Variants in MICOS10 observed in about 807,000 individuals in gnomAD.
MICOS10 encodes the protein mitochondrial contact site and cristae organizing system subunit 10, also known as MICOS complex subunit MIC10.
A neutral mutation model predicts 13.4 loss-of-function variants in MICOS10; 5 were observed. That is an observed-to-expected ratio of 0.37 (90% CI 0.20 to 0.78). The LOEUF is 0.78. Among genes scored for constraint, MICOS10 ranks in the 30% least tolerant of loss-of-function variants. The pLI, the probability that MICOS10 is intolerant of heterozygous loss-of-function variation, is 0.47. For missense variants in MICOS10, 101 were observed against 94.6 expected, an observed-to-expected ratio of 1.07 and a Z score of -0.28; for synonymous variants, 35 against 33.6, an observed-to-expected ratio of 1.04 and a Z score of -0.15.
At chr1:19,601,095 G>A (rs571349999) in intron 1 of MICOS10, 77 of 1,035,722 alleles carry the variant, frequency 7.4e-5, no homozygotes, top group Non-Finnish European at 9.5e-5. Flanking sequence ...TAGCATAGGT[G>A]TTGTATAGCT....
Position 19,601,264 on chromosome 1 carries a change from GC to G in MICOS10, c.64+4160del, listed in dbSNP as rs2094813732. Reference sequence around the variant, plus strand: ...GAGGCATTTATTTATAAATACCCTTGCCCCCATTACTATCTTAAGAAAAGCA... The same window carrying G: ...GAGGCATTTATTTATAAATACCCTTGCCCCATTACTATCTTAAGAAAAGCA... On this transcript the variant is annotated intron_variant, in intron 1 of 3. Transcript: ENST00000322753. 24 of 328,930 alleles carry G rather than the reference GC, an allele frequency of 7.3e-5. 1 individual carries two copies. The highest frequency in any genetic ancestry group is 6.0e-4 in the South Asian group (24 of 40,154). 20.4% of individuals were successfully genotyped at this position (328,930 alleles called of 1,614,324 possible).
At chr1:19,623,619 A>G in intron 3 of MICOS10, 36 bp downstream of exon 3, 1 of 1,453,896 alleles carries the variant, frequency 6.9e-7, no homozygotes, top group Non-Finnish European at 9.6e-7. Context: ...TTCCTTCAGA[A>G]GAAAAAGATT....
chr1:19,616,212 G>A (rs552557924), intron 1 of MICOS10, among the ~76,000 whole-genome samples: 156 of 152,220 alleles, frequency 1.0e-3, no homozygotes, highest in African/African-American at 3.6e-3. Flanking sequence ...TGCTGCACCC[G>A]GCCACTTTCC....
chr1:19,613,809 G>A (rs1017119032), intron 1 of MICOS10, among the ~76,000 whole-genome samples: 2 of 152,162 alleles, frequency 1.3e-5, no homozygotes, highest in Non-Finnish European at 2.9e-5. Flanking sequence ...GGCTGCACTG[G>A]GAGCAGTATA....
intron 1 of MICOS10, among the ~76,000 whole-genome samples, chr1:19,620,648 G>C (rs987957311): frequency 1.2e-4 from 19 of 152,210 alleles, no homozygotes; most frequent in African/African-American, 4.6e-4. Flanking sequence ...TATACTTGCA[G>C]ATAAATGCCT....
chr1:19,624,506 T>C (rs934677103), intron 3 of MICOS10, among the ~76,000 whole-genome samples: 2 of 152,170 alleles, frequency 1.3e-5, no homozygotes, highest in Non-Finnish European at 2.9e-5. Context: ...CAGGCTGGTC[T>C]TGAACTCCTG....
intron 1 of MICOS10, 130 bp downstream of exon 1, chr1:19,597,239 C>A: frequency 1.0e-6 from 1 of 972,306 alleles, no homozygotes; most frequent in Non-Finnish European, 1.5e-6. Flanking sequence ...CCCCTCCGGC[C>A]AGGGCGAGCC....
intron 1 of MICOS10, among the ~76,000 whole-genome samples, chr1:19,610,397 T>TTTTC (rs1400197796): frequency 1.1e-5 from 1 of 87,476 alleles, no homozygotes; most frequent in Non-Finnish European, 2.0e-5. Context: ...TTTTTTTTTT[T>TTTTC]GGAGACAAGG....
In MICOS10 at chr1:19,598,601, AC is replaced by A. The variant is rs2094801796; in HGVS notation, c.64+1495del. ...AGACCAGCCTGGGAAACAAAGTGAG[AC>A]CCTTCCCTTAAAAAAAAAAAAAAGG... On this transcript the variant is annotated intron_variant, in intron 1 of 3. Transcript: ENST00000322753. Among the ~76,000 whole-genome samples, 12 of 145,770 alleles carry A rather than the reference AC, an allele frequency of 8.2e-5. No individual in the cohort carries two copies. In the South Asian group the frequency reaches 2.7e-3, roughly 33 times the overall value.
At chr1:19,619,276 T>C (rs889552926) in intron 1 of MICOS10, among the ~76,000 whole-genome samples, 1 of 152,252 alleles carries the variant, frequency 6.6e-6, no homozygotes, top group Non-Finnish European at 1.5e-5. Context: ...GCCCAAAGAC[T>C]GCAATCAGAT....
At chr1:19,623,615 C>G in intron 3 of MICOS10, 32 bp downstream of exon 3, 1 of 1,477,168 alleles carries the variant, frequency 6.8e-7, no homozygotes, top group Non-Finnish European at 9.4e-7. Flanking sequence ...CTCTTTCCTT[C>G]AGAAGAAAAA....
intron 1 of MICOS10, among the ~76,000 whole-genome samples, chr1:19,616,211 C>T (rs1164530085): frequency 1.3e-5 from 2 of 152,134 alleles, no homozygotes; most frequent in East Asian, 1.9e-4. Flanking sequence ...CTGCTGCACC[C>T]GGCCACTTTC....
chr1:19,598,958 A>G (rs2094803533), intron 1 of MICOS10, among the ~76,000 whole-genome samples: 1 of 151,992 alleles, frequency 6.6e-6, no homozygotes, highest in African/African-American at 2.4e-5. Flanking sequence ...TATGTTGCCC[A>G]GGTTGGTCTT....
intron 1 of MICOS10, among the ~76,000 whole-genome samples, chr1:19,607,922 C>G (rs2094841513): frequency 6.6e-6 from 1 of 151,406 alleles, no homozygotes; most frequent in Non-Finnish European, 1.5e-5. Context: ...CATACATGGT[C>G]AATTCGTTTT....
intron 1 of MICOS10, among the ~76,000 whole-genome samples, chr1:19,617,906 A>AATAT (rs138537670): frequency 1.3e-5 from 2 of 151,458 alleles, no homozygotes; most frequent in African/African-American, 2.4e-5. Context: ...TCTATTAAAA[A>AATAT]ATATATATAT....
Position 19,629,229 on chromosome 1 carries a change from C to CT in MICOS10, c.*2831dup, listed in dbSNP as rs2094931116. 6.6e-6 allele frequency: 1 copy of CT among 152,232 alleles called. No individual in the cohort carries two copies. Among genetic ancestry groups the CT allele is most frequent in the African/African-American group, 2.4e-5 (1 of 41,456 alleles). 9.4% of individuals were successfully genotyped at this position (152,232 alleles called of 1,614,324 possible). ...TTCCCTTGTGGGCTTGTGCAACTGA[C>CT]TTTGTTTCTTGTCTGCCTTTCTGGA... On this transcript the variant is annotated 3_prime_UTR_variant, in exon 4 of 4. Coordinates refer to ENST00000322753, the MANE Select transcript of MICOS10 (RefSeq NM_001032363.4).
chr1:19,623,238 T>C (rs1171094257), intron 2 of MICOS10, among the ~76,000 whole-genome samples: 1 of 152,146 alleles, frequency 6.6e-6, no homozygotes, highest in Admixed American at 6.6e-5. Context: ...CTTATTTTCC[T>C]CAAACTTATC....
At chr1:19,597,446 G>A (rs2094796715) in intron 1 of MICOS10, among the ~76,000 whole-genome samples, 1 of 152,190 alleles carries the variant, frequency 6.6e-6, no homozygotes, top group South Asian at 2.1e-4. Context: ...TTCTCCTCCC[G>A]GGTGGTGCAT....
chr1:19,622,625 C>A (rs913925705), intron 2 of MICOS10, among the ~76,000 whole-genome samples: 8 of 152,090 alleles, frequency 5.3e-5, no homozygotes, highest in African/African-American at 1.9e-4. Context: ...GTTTGGATAC[C>A]GAATAGATGC....
Sources: allele counts gnomAD v4.1 joint callset (sites outside exome capture counted in the v4.1 genomes callset), GRCh38; gene constraint gnomAD v4.1.1; transcripts MANE v1.5; gene names NCBI Gene and HGNC (gene_info 2026-07-23, HGNC 2026-07-21).